Variants in MCF2L observed in about 807,000 individuals in gnomAD.
The protein encoded by MCF2L is guanine nucleotide exchange factor DBS.
A neutral mutation model predicts 153.4 loss-of-function variants in MCF2L; 97 were observed. That is an observed-to-expected ratio of 0.63 (90% CI 0.54 to 0.75). MCF2L has a LOEUF of 0.75. Ranked by LOEUF, MCF2L falls within the 30% of genes least tolerant of loss-of-function variation. The pLI is 0.00. For missense variants in MCF2L, 1,347 were observed against 1,495.2 expected, an observed-to-expected ratio of 0.90 and a Z score of 1.64; for synonymous variants, 659 against 632.2, an observed-to-expected ratio of 1.04 and a Z score of -0.64.
rs76003862 is a variant in MCF2L, at chr13:113,007,622, C to T, written c.80-7141C>T. Among the ~76,000 whole-genome samples, 312 of 152,378 alleles carry T rather than the reference C, an allele frequency of 2.0e-3. 1 individual carries two copies. Among genetic ancestry groups the T allele is most frequent in the African/African-American group, 7.0e-3 (290 of 41,590 alleles). ...AAGAGCTCCAGTGAAACACGCAGTGCGGGGCCGGCTGTACAGACAGGGCTG... is the reference window on the plus strand; with the variant it reads ...AAGAGCTCCAGTGAAACACGCAGTGTGGGGCCGGCTGTACAGACAGGGCTG... On this transcript the variant is annotated intron_variant, in intron 1 of 29. Coordinates refer to ENST00000535094, the MANE Select transcript of MCF2L (RefSeq NM_001112732.3).
chr13:112,948,967 C>T (rs1239443893), intron 2 of MCF2L, among the ~76,000 whole-genome samples: 1 of 152,166 alleles, frequency 6.6e-6, no homozygotes. Context: ...TCATGAGGCA[C>T]AGGAGAATTG....
At chr13:113,076,404 A>G (rs7989328) in intron 12 of MCF2L, among the ~76,000 whole-genome samples, 51,695 of 151,930 alleles carry the variant, frequency 0.34, 9,022 homozygotes, top group Middle Eastern at 0.44. Context: ...AGCTGGGATT[A>G]CAGGCGCCCA....
chr13:112,998,224 C>T (rs1020273770), intron 1 of MCF2L, among the ~76,000 whole-genome samples: 1 of 152,206 alleles, frequency 6.6e-6, no homozygotes, highest in Admixed American at 6.5e-5. Flanking sequence ...AAATAAAGCA[C>T]GAAGTCTCCT....
chr13:112,972,951 C>T (rs879668380), intron 1 of MCF2L, among the ~76,000 whole-genome samples: 27 of 150,610 alleles, frequency 1.8e-4, no homozygotes, highest in Non-Finnish European at 3.3e-4. Context: ...CACAGCAGCA[C>T]GGAGGGGCTT....
At chr13:112,977,630 C>T (rs2082260363) in intron 1 of MCF2L, among the ~76,000 whole-genome samples, 1 of 152,086 alleles carries the variant, frequency 6.6e-6, no homozygotes, top group Admixed American at 6.5e-5. Context: ...TGGAAGTGGC[C>T]CTGCTGTTCC....
chr13:113,095,157 TAATGTC>T, intron 27 of MCF2L: 4 of 1,280,446 alleles, frequency 3.1e-6, no homozygotes, highest in Non-Finnish European at 4.1e-6. Context: ...CATTCATTGT[TAATGTC>T]AGAAGCAAGA....
chr13:113,083,008 C>T (rs1206121548), intron 17 of MCF2L, among the ~76,000 whole-genome samples: 1 of 152,216 alleles, frequency 6.6e-6, no homozygotes, highest in African/African-American at 2.4e-5. Flanking sequence ...GCGTTCCTTA[C>T]CCATCATGGG....
intron 26 of MCF2L, chr13:113,090,201 G>A (rs1188335578): frequency 1.3e-6 from 2 of 1,495,272 alleles, no homozygotes; most frequent in South Asian, 2.4e-5. Context: ...TCACCGTGGT[G>A]GCGTCTGTCA....
chr13:113,044,783 C>A (rs375835479), intron 3 of MCF2L: 39 of 1,612,804 alleles, frequency 2.4e-5, no homozygotes, highest in Non-Finnish European at 3.3e-5. Context: ...GCTTGGGAAC[C>A]TTCAGAAGTC....
chr13:112,976,586 G>C (rs1242011021), intron 1 of MCF2L, among the ~76,000 whole-genome samples: 1 of 152,316 alleles, frequency 6.6e-6, no homozygotes. Flanking sequence ...ATGCTCACGC[G>C]GGGAGCAGCA....
At chr13:112,990,206 G>A (rs920116102) in intron 1 of MCF2L, among the ~76,000 whole-genome samples, 8 of 152,198 alleles carry the variant, frequency 5.3e-5, no homozygotes, top group African/African-American at 1.7e-4. Flanking sequence ...TCCTGAAAGT[G>A]CAGGAACTAC....
intron 3 of MCF2L, chr13:113,044,375 G>A (rs187513312): frequency 1.0e-4 from 38 of 362,518 alleles, no homozygotes; most frequent in African/African-American, 5.5e-4. Flanking sequence ...TGAGACACCC[G>A]ATATAAATCC....
At chr13:113,022,805 CG>C (rs1403838723) in intron 2 of MCF2L, among the ~76,000 whole-genome samples, 1 of 152,216 alleles carries the variant, frequency 6.6e-6, no homozygotes, top group Non-Finnish European at 1.5e-5. Context: ...TTGTCGTACT[CG>C]CACAGGAGGA....
chr13:113,090,016 T>C (rs923095755), intron 26 of MCF2L: 2 of 1,601,360 alleles, frequency 1.2e-6, no homozygotes, highest in East Asian at 2.3e-5. Context: ...CGGACCCGCC[T>C]CCGCATCGGG....
At chr13:113,044,934 C>A in intron 3 of MCF2L, 1 of 1,604,002 alleles carries the variant, frequency 6.2e-7, no homozygotes, top group Non-Finnish European at 8.5e-7. Flanking sequence ...AGCTGGTCAC[C>A]CAGGAAAGGA....
chr13:113,010,059 CTT>C (rs1158345033), intron 1 of MCF2L: 4 of 152,390 alleles, frequency 2.6e-5, no homozygotes, highest in Non-Finnish European at 5.9e-5. Flanking sequence ...ACCTGGGCCT[CTT>C]CCTGCTGCCA....
intron 3 of MCF2L, among the ~76,000 whole-genome samples, chr13:113,039,923 A>G (rs2086375562): frequency 6.6e-6 from 1 of 152,260 alleles, no homozygotes; most frequent in African/African-American, 2.4e-5. Flanking sequence ...TGTGTGCACT[A>G]GAAGACATGT....
At chr13:112,900,438 A>G (rs9603985) in intron 1 of MCF2L, among the ~76,000 whole-genome samples, 20,887 of 152,276 alleles carry the variant, frequency 0.14, 1,623 homozygotes, top group South Asian at 0.26. Context: ...CCACACGTAA[A>G]CAAAAGACAT....
At chr13:112,953,345 G>A (rs774503028) in intron 2 of MCF2L, among the ~76,000 whole-genome samples, 3 of 152,196 alleles carry the variant, frequency 2.0e-5, no homozygotes, top group Non-Finnish European at 4.4e-5. Context: ...TCTCACTGAA[G>A]GAGCTCCCAG....
Sources: gnomAD v4.1 joint callset for allele counts (sites outside exome capture counted in the v4.1 genomes callset) on GRCh38, gnomAD v4.1.1 for gene constraint, MANE v1.5 for transcripts, NCBI Gene and HGNC (gene_info 2026-07-23, HGNC 2026-07-21) for gene names.